The following C9orf153 variants were observed in gnomAD, a reference collection of about 807,000 sequenced individuals.
C9orf153 encodes chromosome 9 open reading frame 153, also known as uncharacterized protein C9orf153.
Under a neutral mutation model 9.0 loss-of-function variants are expected in C9orf153, and 10 were observed. The ratio of observed to expected loss-of-function variants is 1.11; its 90% confidence interval spans 0.69 to 1.89. The LOEUF (loss-of-function observed/expected upper bound fraction) is 1.89. C9orf153 is among the 40% of genes most tolerant of loss of function. The probability of loss-of-function intolerance (pLI) is 0.00; values close to 1 mark genes in which losing one functional copy is unlikely to be tolerated. For missense variants in C9orf153, 108 were observed against 111.0 expected (o/e 0.97, Z 0.12); for synonymous variants, 35 against 37.3 (o/e 0.94, Z 0.23).
At chr9:86,245,216 C>T (rs1398785234) in intron 1 of C9orf153, among the ~76,000 whole-genome samples, 4 of 152,128 alleles carry the variant, frequency 2.6e-5, no homozygotes, top group South Asian at 2.1e-4. Context: ...CATGAGTCAC[C>T]GTGCCCAGTC....
chr9:86,246,410 T>G (rs927215080), intron 1 of C9orf153, among the ~76,000 whole-genome samples: 1 of 152,116 alleles, frequency 6.6e-6, no homozygotes, highest in Middle Eastern at 3.2e-3. Flanking sequence ...CCTAAGCCAG[T>G]CTGACATGGC....
intron 1 of C9orf153, among the ~76,000 whole-genome samples, chr9:86,243,247 T>C (rs1824788521): frequency 6.6e-6 from 1 of 152,146 alleles, no homozygotes; most frequent in African/African-American, 2.4e-5. Flanking sequence ...ATTCCTACTC[T>C]TGAGAATACT....
rs763325528 is a variant in C9orf153 at position 86,221,693 on chromosome 9, AT to A, written c.282del (p.Ter96LysfsTer65). 1.4e-5 allele frequency: 21 copies of A among 1,549,934 alleles called. No homozygotes were observed. The highest frequency in any genetic ancestry group is 1.6e-5 in the Non-Finnish European group (18 of 1,146,634). ...IHESKGSGME[I>X]F ...GCCTCCACTTCGCAAGCCCCTTAAA[AT>A]ATCTCCATTCCAGATCCCTTAGATT... On this transcript the variant is annotated frameshift_variant, in exon 4 of 4. Coordinates refer to ENST00000339137, the MANE Select transcript of C9orf153 (RefSeq NM_001276366.4). LOFTEE classifies it high-confidence loss of function.
chr9:86,252,315 T>C (rs1278520503), intron 1 of C9orf153, among the ~76,000 whole-genome samples: 2 of 152,200 alleles, frequency 1.3e-5, no homozygotes, highest in Non-Finnish European at 2.9e-5. Context: ...ATTACAAGTG[T>C]GAGCCCCCAC....
At chr9:86,244,028 C>A (rs1355673007) in intron 1 of C9orf153, among the ~76,000 whole-genome samples, 1 of 152,098 alleles carries the variant, frequency 6.6e-6, no homozygotes, top group Admixed American at 6.5e-5. Context: ...TCTGTACCAT[C>A]CAATATGGTA....
chr9:86,242,483 A>G (rs1824770904), intron 1 of C9orf153, among the ~76,000 whole-genome samples: 1 of 152,170 alleles, frequency 6.6e-6, no homozygotes, highest in African/African-American at 2.4e-5. Context: ...TCTGGCTGCC[A>G]TGTACAGCTT....
intron 1 of C9orf153, among the ~76,000 whole-genome samples, chr9:86,240,034 C>CA (rs1479318720): frequency 6.6e-6 from 1 of 152,108 alleles, no homozygotes; most frequent in Non-Finnish European, 1.5e-5. Context: ...TGATACTGAC[C>CA]ATTACTAAGA....
At position 86,220,380 on chromosome 9, in the gene C9orf153, T is replaced by C. The variant is rs191279962; in HGVS notation, c.*1308A>G. Reference sequence around the variant, plus strand: ...CTTACTAAAATACATACTTTATTAGTAGTTTTTTTTAAGCAAGGGATTATG... The same window carrying C: ...CTTACTAAAATACATACTTTATTAGCAGTTTTTTTTAAGCAAGGGATTATG... On this transcript the variant is annotated 3_prime_UTR_variant, in exon 4 of 4. Transcript: ENST00000339137. 1 of 152,310 alleles carries C rather than the reference T, an allele frequency of 6.6e-6. No homozygotes were observed. The highest frequency in any genetic ancestry group is 6.5e-5 in the Admixed American group (1 of 15,286). The allele number at this position is 152,310 out of a possible 1,614,324, so 9.4% of individuals were successfully genotyped here. A position where few individuals can be genotyped will look rare whatever the true frequency, so the allele number is the denominator to read the frequency against.
intron 1 of C9orf153, among the ~76,000 whole-genome samples, chr9:86,234,435 A>G (rs1405205976): frequency 6.6e-6 from 1 of 152,260 alleles, no homozygotes; most frequent in East Asian, 1.9e-4. Flanking sequence ...CGATTTTCTG[A>G]CAAAGTTGCC....
At chr9:86,228,169 T>C (rs1027821213) in intron 2 of C9orf153, 139 bp from the exon 3 acceptor site, 43 of 648,410 alleles carry the variant, frequency 6.6e-5, no homozygotes, top group Middle Eastern at 4.2e-4. Context: ...GAAGATATCT[T>C]TGCCTAACTA....
At chr9:86,230,354 T>G (rs1009362050) in intron 1 of C9orf153, among the ~76,000 whole-genome samples, 7 of 152,230 alleles carry the variant, frequency 4.6e-5, no homozygotes, top group Admixed American at 4.6e-4. Flanking sequence ...CATGCTGGAG[T>G]GCAATGGCAC....
At chr9:86,234,787 T>C (rs1400162920) in intron 1 of C9orf153, among the ~76,000 whole-genome samples, 1 of 152,124 alleles carries the variant, frequency 6.6e-6, no homozygotes, top group Non-Finnish European at 1.5e-5. Context: ...TGAGAGAAAA[T>C]ATTTACAAAT....
intron 1 of C9orf153, among the ~76,000 whole-genome samples, chr9:86,235,767 A>G (rs58724321): frequency 1.6e-4 from 23 of 146,002 alleles, no homozygotes; most frequent in African/African-American, 5.0e-4. Flanking sequence ...AAAAAAAAAA[A>G]AGAGAGAGAG....
intron 1 of C9orf153, among the ~76,000 whole-genome samples, chr9:86,245,959 C>T (rs1301457678): frequency 6.6e-6 from 1 of 152,172 alleles, no homozygotes; most frequent in Non-Finnish European, 1.5e-5. Context: ...TTGTCAGTTT[C>T]CACATCCCAC....
chr9:86,248,517 A>C (rs1824919254), intron 1 of C9orf153, among the ~76,000 whole-genome samples: 1 of 152,268 alleles, frequency 6.6e-6, no homozygotes, highest in East Asian at 1.9e-4. Context: ...TGAGTTTTCT[A>C]AAGTGAGACC....
chr9:86,224,437 A>C (rs12555396), intron 3 of C9orf153, among the ~76,000 whole-genome samples: 5 of 152,102 alleles, frequency 3.3e-5, no homozygotes, highest in Admixed American at 2.6e-4. Context: ...CAGTTAGATA[A>C]GAGGAATAAA....
At chr9:86,251,767 T>G (rs1449072306) in intron 1 of C9orf153, among the ~76,000 whole-genome samples, 2 of 152,170 alleles carry the variant, frequency 1.3e-5, no homozygotes, top group African/African-American at 4.8e-5. Flanking sequence ...TGATTATAAT[T>G]GAATGGATCC....
At chr9:86,235,544 CAG>C (rs111698836) in intron 1 of C9orf153, among the ~76,000 whole-genome samples, 5,415 of 151,768 alleles carry the variant, frequency 0.036, 338 homozygotes, top group African/African-American at 0.12. Context: ...ATCATGAGGT[CAG>C]GAGTTCAAGA....
chr9:86,249,977 G>T (rs775898477), intron 1 of C9orf153, among the ~76,000 whole-genome samples: 11 of 152,188 alleles, frequency 7.2e-5, no homozygotes, highest in Non-Finnish European at 1.3e-4. Context: ...ACCACTCAAT[G>T]GGGTATAGAT....
Sources: allele counts gnomAD v4.1 joint callset (sites outside exome capture counted in the v4.1 genomes callset), GRCh38; gene constraint gnomAD v4.1.1; transcripts MANE v1.5; gene names NCBI Gene and HGNC (gene_info 2026-07-23, HGNC 2026-07-21).